Variants in HMCN1 observed in about 807,000 individuals in gnomAD.
HMCN1 encodes the protein hemicentin 1, also known as hemicentin-1.
HMCN1 carries 321 observed loss-of-function variants against 625.9 expected under a neutral mutation model. The observed-to-expected ratio is 0.51, with a 90% CI of 0.47 to 0.56. The LOEUF (loss-of-function observed/expected upper bound fraction) is 0.56, where lower values mean the gene tolerates loss of function less well. Among genes scored for constraint, HMCN1 ranks in the 20% least tolerant of loss-of-function variants. The probability of loss-of-function intolerance (pLI) is 0.00; values close to 1 mark genes in which losing one functional copy is unlikely to be tolerated. For missense variants in HMCN1, 6,588 were observed against 6,887.3 expected (o/e 0.96, Z 1.54); for synonymous variants, 2,425 against 2,417.6 (o/e 1.00, Z -0.09).
chr1:185,928,451 C>A lies in HMCN1; in HGVS notation c.1431-95C>A. On this transcript the variant is annotated intron_variant, in intron 9 of 106. Coordinates refer to ENST00000271588, the MANE Select transcript of HMCN1 (RefSeq NM_031935.3). ...ATCAATTTATTTTCTTTACATTGTT[C>A]TTTTGAATGAACCTTCAAAAGAAAT... is the stretch of plus-strand genomic sequence containing the variant. 2.9e-6 allele frequency: 3 copies of A among 1,046,810 alleles called. No individual in the cohort carries two copies. In the South Asian group the frequency reaches 3.8e-5, roughly 13 times the overall value. The allele number at this position is 1,046,810 out of a possible 1,614,324, so 64.8% of individuals were successfully genotyped here.
At chr1:186,140,762 C>A (rs1173556917) in intron 89 of HMCN1, among the ~76,000 whole-genome samples, 1 of 151,974 alleles carries the variant, frequency 6.6e-6, no homozygotes, top group Non-Finnish European at 1.5e-5. Context: ...TATTATTGAC[C>A]TCTGTCAAGA....
intron 19 of HMCN1, among the ~76,000 whole-genome samples, chr1:185,984,816 C>A (rs1651900885): frequency 6.6e-6 from 1 of 152,098 alleles, no homozygotes; most frequent in Non-Finnish European, 1.5e-5. Flanking sequence ...CAGAAGCAAT[C>A]TTTTTTCCAT....
intron 1 of HMCN1, among the ~76,000 whole-genome samples, chr1:185,811,728 C>G (rs1381851311): frequency 7.4e-6 from 1 of 135,162 alleles, no homozygotes. Flanking sequence ...TTCCCTTGCT[C>G]TAAAAAAAAA....
chr1:186,119,725 G>GTTGA lies in HMCN1; in HGVS notation c.11957-16_11957-13dup. The GTTGA allele has an allele frequency of 6.2e-7, 1 of 1,613,300 alleles. No homozygotes were observed. Among genetic ancestry groups the GTTGA allele is most frequent in the Non-Finnish European group, 8.5e-7 (1 of 1,179,418 alleles). ...TTAACTAGTGCTATTACTTCTTTTT[G>GTTGA]TTGATTGGTTTTTTTATAGAGCCTC... On this transcript the variant is annotated intron_variant, in intron 78 of 106. Coordinates refer to ENST00000271588, the MANE Select transcript of HMCN1 (RefSeq NM_031935.3).
chr1:186,132,424 GA>G lies in HMCN1; in HGVS notation c.13312+18del, dbSNP rs776382887. On this transcript the variant is annotated intron_variant, in intron 86 of 106. Coordinates refer to ENST00000271588, the MANE Select transcript of HMCN1 (RefSeq NM_031935.3). ...GACTCTGCAAAGTAAGCTGCTTAAT[GA>G]AACTAATTAAACACTTGATTTAGGA... The G allele has an allele frequency of 1.3e-6, 2 of 1,576,872 alleles. No homozygotes were observed.
chr1:185,940,935 T>A (rs1668048138), intron 11 of HMCN1, among the ~76,000 whole-genome samples: 1 of 152,222 alleles, frequency 6.6e-6, no homozygotes, highest in Non-Finnish European at 1.5e-5. Flanking sequence ...GCTAATTTTG[T>A]ATTTTTAGTA....
At chr1:185,972,213 TC>T (rs144363080) in intron 15 of HMCN1, among the ~76,000 whole-genome samples, 2 of 152,312 alleles carry the variant, frequency 1.3e-5, no homozygotes, top group East Asian at 3.9e-4. Context: ...CAGTAATTTT[TC>T]CCAACAAAAA....
At chr1:185,759,799 G>T (rs1469594398) in intron 1 of HMCN1, among the ~76,000 whole-genome samples, 1 of 151,722 alleles carries the variant, frequency 6.6e-6, no homozygotes, top group African/African-American at 2.4e-5. Flanking sequence ...CCATGATTTT[G>T]TTAGTGTGAA....
intron 57 of HMCN1, among the ~76,000 whole-genome samples, chr1:186,085,689 C>G (rs1448134371): frequency 6.6e-6 from 1 of 152,000 alleles, no homozygotes; most frequent in Non-Finnish European, 1.5e-5. Flanking sequence ...ACCTCAAATT[C>G]CTACCATCAA....
In HMCN1 at chr1:185,734,799, T is replaced by C; in HGVS notation, c.20T>C (p.Val7Ala). Residue 7 changes from valine (V) to alanine (A), a missense_variant, in exon 1 of 107, where the codon GTC (valine) becomes GCC (alanine). Physicochemically the swap from Val to Ala is moderately conservative, Grantham distance 64 (BLOSUM62 0). Transcript: ENST00000271588. MISWEV[V>A]HTVFLFALLY... ...AAGAAAATGATTTCCTGGGAAGTTG[T>C]CCATACAGTATTCCTGTTTGCTCTT... is the stretch of plus-strand genomic sequence containing the variant. 6.2e-7 allele frequency: 1 copy of C among 1,614,132 alleles called. No homozygotes were observed. The highest frequency in any genetic ancestry group is 8.5e-7 in the Non-Finnish European group (1 of 1,180,002).
intron 98 of HMCN1, 131 bp downstream of exon 98, chr1:186,165,304 C>A: frequency 1.2e-6 from 1 of 826,930 alleles, no homozygotes. Context: ...TCCCATTTGA[C>A]AGCTAAGGAA....
At position 185,925,341 on chromosome 1, in the gene HMCN1, C is replaced by T. The variant is rs565236648; in HGVS notation, c.1430+150C>T. 9.7e-5 allele frequency: 71 copies of T among 731,556 alleles called. No homozygotes were observed. The African/African-American group carries it at 1.1e-3, about 11-fold the overall frequency. The allele number at this position is 731,556 out of a possible 1,614,324, so 45.3% of individuals were successfully genotyped here. ...GAACAAAATGGACACAAATCTGTGC[C>T]GTTGTGGAGCTTATATTGTCATAGA... On this transcript the variant is annotated intron_variant, in intron 9 of 106. Coordinates refer to ENST00000271588, the MANE Select transcript of HMCN1 (RefSeq NM_031935.3).
At position 186,001,725 on chromosome 1, in the gene HMCN1, T is replaced by C. The variant is rs752767689; in HGVS notation, c.4332T>C (p.Phe1444=). ...INIAGTSQKY[F]NIDVLVPPTI... ...TTGCAGGCACTTCTCAGAAGTACTTTAACATTGATGTGCTAGGTAAGAAAT... is the reference window on the plus strand; with the variant it reads ...TTGCAGGCACTTCTCAGAAGTACTTCAACATTGATGTGCTAGGTAAGAAAT... The change falls in exon 28 of 107, where the codon TTT becomes TTC. Residue 1444 remains phenylalanine (F), a synonymous_variant. Coordinates refer to ENST00000271588, the MANE Select transcript of HMCN1 (RefSeq NM_031935.3). 1.9e-6 allele frequency: 3 copies of C among 1,612,186 alleles called. No individual in the cohort carries two copies. The highest frequency in any genetic ancestry group is 1.3e-5 in the African/African-American group (1 of 74,858).
rs910181738 is a variant in HMCN1, at chr1:185,809,669, T to C, written c.269-36357T>C. On this transcript the variant is annotated intron_variant, in intron 1 of 106. Coordinates refer to ENST00000271588, the MANE Select transcript of HMCN1 (RefSeq NM_031935.3). ...AGTAAGTAGTATCTTAACACACTTT[T>C]TGATATATAGATATGATATAGTATG... Among the ~76,000 whole-genome samples the C allele has an allele frequency of 2.8e-4, 42 of 152,058 alleles. 1 individual carries two copies. Among genetic ancestry groups the C allele is most frequent in the Non-Finnish European group, 1.5e-5 (1 of 67,970 alleles).
intron 18 of HMCN1, among the ~76,000 whole-genome samples, chr1:185,983,815 G>A (rs1172904841): frequency 1.3e-5 from 2 of 152,100 alleles, no homozygotes; most frequent in African/African-American, 4.8e-5. Context: ...AGGCCTTCTT[G>A]GAAAAGAACA....
At chr1:185,923,316 A>T (rs1667090388) in intron 7 of HMCN1, 74 bp from the exon 8 acceptor site, 2 of 1,141,384 alleles carry the variant, frequency 1.8e-6, no homozygotes, top group African/African-American at 1.5e-5. Context: ...TATTATTATC[A>T]TGCAAATACT....
rs1421936957 is a variant in HMCN1, at chr1:186,124,998, A to G, written c.12500-606A>G. Among the ~76,000 whole-genome samples the G allele has an allele frequency of 2.6e-5, 4 of 152,244 alleles. No individual in the cohort carries two copies. In the East Asian group the frequency reaches 7.7e-4, roughly 29 times the overall value. ...AGTTAAAAAAATTTGAGTCACAGGA[A>G]GTATTTGGTACTATACTGTGCAGTT... On this transcript the variant is annotated intron_variant, in intron 81 of 106. Transcript: ENST00000271588.
Position 185,982,472 on chromosome 1 carries a change from A to G in HMCN1, c.2790+83A>G, listed in dbSNP as rs61338512. 6.3e-3 allele frequency: 8,246 copies of G among 1,304,314 alleles called. 379 individuals are homozygous for G. In the African/African-American group the frequency reaches 0.11, roughly 17 times the overall value. The allele number at this position is 1,304,314 out of a possible 1,614,324, so 80.8% of individuals were successfully genotyped here. On this transcript the variant is annotated intron_variant, in intron 18 of 106. Coordinates refer to ENST00000271588, the MANE Select transcript of HMCN1 (RefSeq NM_031935.3). ...TTTTTTTTTTCTTTGAGACAGTTTC[A>G]TTCTGTCACCTAGGCTGGAGTGCAG...
intron 50 of HMCN1, among the ~76,000 whole-genome samples, chr1:186,069,108 G>A (rs1423804002): frequency 1.3e-5 from 2 of 152,258 alleles, no homozygotes; most frequent in East Asian, 1.9e-4. Flanking sequence ...CCCACTACCC[G>A]AAACTTGAGT....
Sources: allele counts gnomAD v4.1 joint callset (sites outside exome capture counted in the v4.1 genomes callset), GRCh38; gene constraint gnomAD v4.1.1; transcripts MANE v1.5; gene names NCBI Gene and HGNC (gene_info 2026-07-23, HGNC 2026-07-21).